Variants in COL6A6 observed in about 807,000 individuals in gnomAD.
The protein encoded by COL6A6 is collagen alpha-6(VI) chain.
COL6A6 carries 183 observed loss-of-function variants against 208.6 expected under a neutral mutation model. That is an observed-to-expected ratio of 0.88 (90% CI 0.78 to 0.99). The LOEUF is 0.99. Ranked by LOEUF, COL6A6 falls within the 50% of genes least tolerant of loss-of-function variation. The pLI, the probability that COL6A6 is intolerant of heterozygous loss-of-function variation, is 0.00. For missense variants in COL6A6, 2,816 were observed against 2,815.2 expected (o/e 1.00, Z -0.01); for synonymous variants, 973 against 1,011.8 (o/e 0.96, Z 0.73).
At chr3:130,604,794 G>A (rs114122533) in intron 20 of COL6A6, among the ~76,000 whole-genome samples, 11 of 152,232 alleles carry the variant, frequency 7.2e-5, no homozygotes, top group Non-Finnish European at 1.3e-4. Context: ...GAAACATTGC[G>A]ACAGCAAGCC....
At chr3:130,667,493 C>G (rs1316195322) in intron 36 of COL6A6, among the ~76,000 whole-genome samples, 1 of 152,180 alleles carries the variant, frequency 6.6e-6, no homozygotes, top group Admixed American at 6.5e-5. Flanking sequence ...CCCGCCTCAG[C>G]CTCCCAAAGT....
At chr3:130,554,656 T>C (rs1435067408) in intron 1 of COL6A6, among the ~76,000 whole-genome samples, 2 of 152,132 alleles carry the variant, frequency 1.3e-5, no homozygotes, top group Non-Finnish European at 2.9e-5. Context: ...CAGGGTGCAC[T>C]CACACTGGCA....
intron 1 of COL6A6, among the ~76,000 whole-genome samples, chr3:130,529,326 C>T (rs1448460003): frequency 1.3e-5 from 2 of 148,986 alleles, no homozygotes; most frequent in African/African-American, 4.9e-5. Flanking sequence ...GTACAAATCT[C>T]TAGTAACACA....
chr3:130,517,211 A>T lies in COL6A6; in HGVS notation c.-218A>T. 6.6e-6 allele frequency among the ~76,000 whole-genome samples: 1 copy of T among 152,170 alleles called. No homozygotes were observed. Among genetic ancestry groups the T allele is most frequent in the East Asian group, 1.9e-4 (1 of 5,172 alleles). Reference sequence around the variant, plus strand: ...TTGCCTGCGGGACACCGGAGTCAAGAGGCTGCCCACGCCGCTGCCTGTCCG... The same window carrying T: ...TTGCCTGCGGGACACCGGAGTCAAGTGGCTGCCCACGCCGCTGCCTGTCCG... On this transcript the variant is annotated 5_prime_UTR_variant, in exon 1 of 37. Transcript: ENST00000358511.
intron 7 of COL6A6, among the ~76,000 whole-genome samples, chr3:130,573,519 A>G (rs117244630): frequency 3.3e-4 from 50 of 152,080 alleles, no homozygotes; most frequent in East Asian, 3.1e-3. Flanking sequence ...ATGCTAGCAT[A>G]AGATAAGAAA....
chr3:130,600,877 A>G (rs953903931), intron 20 of COL6A6, among the ~76,000 whole-genome samples: 3 of 152,184 alleles, frequency 2.0e-5, no homozygotes, highest in African/African-American at 7.2e-5. Context: ...AATAAAAATA[A>G]AAATTTAAAA....
At position 130,661,869 on chromosome 3, in the gene COL6A6, A is replaced by G. The variant is rs1278300060; in HGVS notation, c.6063A>G (p.Leu2021=). The stretch of plus-strand genomic sequence containing the variant: ...TGAGCCATGCTCCCCCCGACTTCCT[A>G]CCCAACACTCAGAAGAGTCCAGTTA... The part of the protein sequence containing the change: ...ALLSHAPPDF[L]PNTQKSPVRA... Residue 2021 remains leucine, a synonymous_variant, in exon 35 of 37, where the codon CTA becomes CTG. Coordinates refer to ENST00000358511, the MANE Select transcript of COL6A6 (RefSeq NM_001102608.3). 6 of 1,613,890 alleles carry G rather than the reference A, an allele frequency of 3.7e-6. No individual in the cohort carries two copies. Among genetic ancestry groups the G allele is most frequent in the Non-Finnish European group, 5.1e-6 (6 of 1,179,846 alleles).
intron 18 of COL6A6, among the ~76,000 whole-genome samples, chr3:130,596,069 C>T (rs1451809777): frequency 1.3e-5 from 2 of 152,070 alleles, no homozygotes; most frequent in African/African-American, 4.8e-5. Context: ...ATGGGTTGAT[C>T]AGAGAAGGAA....
chr3:130,652,827 CTA>C (rs748018338), intron 33 of COL6A6, among the ~76,000 whole-genome samples: 1 of 152,112 alleles, frequency 6.6e-6, no homozygotes, highest in Non-Finnish European at 1.5e-5. Flanking sequence ...TTTTAAAACC[CTA>C]GTTTGTTTCA....
At position 130,676,904 on chromosome 3, in the gene COL6A6, CAATGTATTTT is replaced by C. The variant is rs1194469718; in HGVS notation, c.*1511_*1520del. 7.9e-5 allele frequency: 12 copies of C among 152,162 alleles called. No individual in the cohort carries two copies. The highest frequency in any genetic ancestry group is 7.9e-4 in the Admixed American group (12 of 15,276). The allele number at this position is 152,162 out of a possible 1,614,324, so 9.4% of individuals were successfully genotyped here. ...ACAGGAAATTAATGAGCAATATTTA[CAATGTATTTT>C]AATAAAAGGGATTTTTCTAGTTAAC... On this transcript the variant is annotated 3_prime_UTR_variant, in exon 37 of 37. Transcript: ENST00000358511.
intron 33 of COL6A6, among the ~76,000 whole-genome samples, chr3:130,650,513 G>C (rs1023278894): frequency 2.0e-5 from 3 of 151,808 alleles, no homozygotes; most frequent in African/African-American, 7.3e-5. Context: ...CCCAGCTACT[G>C]GGGAGGCTGA....
At position 130,519,632 on chromosome 3, in the gene COL6A6, C is replaced by G. The variant is rs541399308; in HGVS notation, c.-32+2235C>G. ...GGTCTAGATTCAAGTTATAGACAAA[C>G]TCAAACAATGCAGTTACCTCTCTGA... On this transcript the variant is annotated intron_variant, in intron 1 of 36. Transcript: ENST00000358511. Among the ~76,000 whole-genome samples, 5 of 152,250 alleles carry G rather than the reference C, an allele frequency of 3.3e-5. No individual in the cohort carries two copies. In the South Asian group the frequency reaches 1.0e-3, roughly 32 times the overall value.
At chr3:130,645,764 A>C (rs1390333242) in intron 32 of COL6A6, among the ~76,000 whole-genome samples, 1 of 152,216 alleles carries the variant, frequency 6.6e-6, no homozygotes, top group Non-Finnish European at 1.5e-5. Flanking sequence ...GTTAATTATC[A>C]AGTTGGCTTC....
chr3:130,635,241 A>C (rs1273973374), intron 27 of COL6A6, among the ~76,000 whole-genome samples: 2 of 152,164 alleles, frequency 1.3e-5, no homozygotes, highest in African/African-American at 2.4e-5. Flanking sequence ...TCTCCAAAAA[A>C]AAATAAAAGT....
At chr3:130,602,116 A>G (rs937830805) in intron 20 of COL6A6, among the ~76,000 whole-genome samples, 1 of 152,248 alleles carries the variant, frequency 6.6e-6, no homozygotes, top group Non-Finnish European at 1.5e-5. Context: ...TGGAGGCTGC[A>G]AACAATGAGG....
At chr3:130,586,992 G>A (rs761909146) in intron 11 of COL6A6, among the ~76,000 whole-genome samples, 5 of 152,114 alleles carry the variant, frequency 3.3e-5, no homozygotes, top group African/African-American at 7.2e-5. Flanking sequence ...AGCGTGAATC[G>A]GCCGTTAACC....
intron 23 of COL6A6, among the ~76,000 whole-genome samples, chr3:130,615,786 G>A (rs1279089223): frequency 6.6e-6 from 1 of 152,178 alleles, no homozygotes; most frequent in African/African-American, 2.4e-5. Context: ...GGAGATGTGA[G>A]TGGGTGGAAA....
intron 8 of COL6A6, among the ~76,000 whole-genome samples, chr3:130,576,747 G>A (rs575530618): frequency 8.5e-5 from 13 of 152,190 alleles, no homozygotes; most frequent in Non-Finnish European, 1.8e-4. Flanking sequence ...GGCAGGCTAT[G>A]AGCTGAGGAC....
chr3:130,648,966 T>C (rs145559184), intron 32 of COL6A6, 103 bp from the exon 33 acceptor site: 2 of 921,954 alleles, frequency 2.2e-6, no homozygotes, highest in African/African-American at 1.7e-5. Flanking sequence ...AATTATTCTC[T>C]TTAAGTATTT....
Sources: gnomAD v4.1 joint callset for allele counts (sites outside exome capture counted in the v4.1 genomes callset) on GRCh38, gnomAD v4.1.1 for gene constraint, MANE v1.5 for transcripts, NCBI Gene and HGNC (gene_info 2026-07-23, HGNC 2026-07-21) for gene names.